CLVS1: variants seen among roughly 807,000 people sequenced by gnomAD.
CLVS1 encodes the protein clavesin-1.
In CLVS1, 10 loss-of-function variants were observed where a neutral mutation model predicts 33.1. That is an observed-to-expected ratio of 0.30 (90% confidence interval 0.19 to 0.51). The LOEUF is 0.51. Ranked by LOEUF, CLVS1 falls within the 20% of genes least tolerant of loss-of-function variation. The pLI is 0.97. For synonymous variants in CLVS1, 163 were observed against 166.1 expected (o/e 0.98, Z 0.14); for missense variants, 343 against 433.4 (o/e 0.79, Z 1.85).
chr8:61,083,142 AAG>A (rs1476869756), intron 1 of CLVS1, among the ~76,000 whole-genome samples: 1 of 152,204 alleles, frequency 6.6e-6, no homozygotes, highest in African/African-American at 2.4e-5. Flanking sequence ...TATGTAAAGA[AAG>A]GAAGATCATT....
intron 3 of CLVS1, among the ~76,000 whole-genome samples, chr8:61,435,332 GCTTCCTTCT>G (rs1384890670): frequency 6.6e-6 from 1 of 152,130 alleles, no homozygotes; most frequent in Non-Finnish European, 1.5e-5. Flanking sequence ...AAGCACTTCT[GCTTCCTTCT>G]CTTTGGAGAC....
At chr8:61,282,311 A>G (rs945414463) in intron 2 of CLVS1, among the ~76,000 whole-genome samples, 6 of 152,198 alleles carry the variant, frequency 3.9e-5, no homozygotes, top group African/African-American at 1.4e-4. Context: ...AGGAGGGATC[A>G]TGAGGTAGAG....
intron 2 of CLVS1, among the ~76,000 whole-genome samples, chr8:61,252,000 TG>T (rs1808959820): frequency 6.6e-6 from 1 of 152,238 alleles, no homozygotes; most frequent in Non-Finnish European, 1.5e-5. Context: ...TTCTTTTAAT[TG>T]TGATGTTAGG....
chr8:61,218,796 A>AT (rs35212175), intron 2 of CLVS1, among the ~76,000 whole-genome samples: 43,214 of 142,274 alleles, frequency 0.3, 7,006 homozygotes, highest in Admixed American at 0.35. Context: ...AAAAAAAAAA[A>AT]AGCTGGGAGT....
intron 4 of CLVS1, among the ~76,000 whole-genome samples, chr8:61,456,425 TCAGTCATACTC>T (rs1292034513): frequency 2.0e-5 from 3 of 152,190 alleles, no homozygotes; most frequent in Admixed American, 2.0e-4. Context: ...TTATTAAAAT[TCAGTCATACTC>T]AAGTGCAATA....
the CLVS1 span, among the ~76,000 whole-genome samples, chr8:60,968,561 A>G: frequency 1.3e-5 from 2 of 151,708 alleles, no homozygotes; most frequent in African/African-American, 4.8e-5. Context: ...AGTTTAATCA[A>G]TATTATTAAC....
chr8:61,162,428 T>A (rs915537494), intron 2 of CLVS1, among the ~76,000 whole-genome samples: 3 of 152,312 alleles, frequency 2.0e-5, no homozygotes, highest in East Asian at 3.9e-4. Context: ...CCAAAACCAC[T>A]CTTGCTCCTT....
At chr8:61,187,714 G>A (rs1307757716) in intron 2 of CLVS1, among the ~76,000 whole-genome samples, 8 of 151,208 alleles carry the variant, frequency 5.3e-5, no homozygotes. Flanking sequence ...AGTAAAAACA[G>A]CTAAAATGAA....
In CLVS1 at chr8:61,192,255, G is replaced by A. The variant is rs36139868; in HGVS notation, c.-152+60395G>A. ...ACAACTATCTGATCTTTGACAAACTGGACAAAAACAAGAAATGGGAGAGGA... is the reference window on the plus strand; with the variant it reads ...ACAACTATCTGATCTTTGACAAACTAGACAAAAACAAGAAATGGGAGAGGA... On this transcript the variant is annotated intron_variant, in intron 2 of 2. Transcript: ENST00000522621. Among the ~76,000 whole-genome samples, 513 of 152,022 alleles carry A rather than the reference G, an allele frequency of 3.4e-3. 1 individual carries two copies. Among genetic ancestry groups the A allele is most frequent in the Non-Finnish European group, 4.8e-3 (327 of 67,924 alleles).
At chr8:61,384,880 G>A (rs928978439) in intron 3 of CLVS1, among the ~76,000 whole-genome samples, 4 of 152,182 alleles carry the variant, frequency 2.6e-5, no homozygotes, top group South Asian at 2.1e-4. Flanking sequence ...TGGGGAGATC[G>A]GGACAATGGG....
the CLVS1 span, among the ~76,000 whole-genome samples, chr8:60,992,558 A>T: frequency 6.6e-6 from 1 of 152,218 alleles, no homozygotes; most frequent in African/African-American, 2.4e-5. Context: ...TTTGTACTGG[A>T]GAGAAAAAAC....
In CLVS1 at chr8:61,088,824, T is replaced by C. The variant is rs559586689; in HGVS notation, c.-243+31594T>C. Among the ~76,000 whole-genome samples the C allele has an allele frequency of 6.0e-5, 9 of 150,814 alleles. No homozygotes were observed. The South Asian group carries it at 1.0e-3, about 18-fold the overall frequency. On this transcript the variant is annotated intron_variant, in intron 1 of 2. Coordinates refer to the CLVS1 transcript ENST00000522621. ...TTTCTTTTTCTTTTTTTTTTTGAGA[T>C]GGAGTCTCGCTCTGTCGCCCAGGCT...
chr8:61,118,222 C>T (rs1223893000), intron 1 of CLVS1, among the ~76,000 whole-genome samples: 2 of 151,838 alleles, frequency 1.3e-5, no homozygotes, highest in East Asian at 1.9e-4. Context: ...GGTGATATCC[C>T]CTTTATCATT....
the CLVS1 span, among the ~76,000 whole-genome samples, chr8:61,015,712 TACCTTTTGTTCCCTCA>T: frequency 6.6e-6 from 1 of 152,198 alleles, no homozygotes; most frequent in Non-Finnish European, 1.5e-5. Context: ...TCCCCTCCCC[TACCTTTTGTTCCCTCA>T]AAATGGACCT....
intron 1 of CLVS1, among the ~76,000 whole-genome samples, chr8:61,072,712 A>G (rs1804821226): frequency 6.6e-6 from 1 of 152,212 alleles, no homozygotes; most frequent in South Asian, 2.1e-4. Context: ...TATGGTGCTC[A>G]TGTAATGAAT....
chr8:61,124,728 G>A (rs1805940463), intron 1 of CLVS1, among the ~76,000 whole-genome samples: 1 of 152,188 alleles, frequency 6.6e-6, no homozygotes, highest in South Asian at 2.1e-4. Flanking sequence ...AATTGTGAAT[G>A]TCTCCTAGAT....
intron 3 of CLVS1, among the ~76,000 whole-genome samples, chr8:61,411,255 G>C (rs570053079): frequency 5.4e-4 from 83 of 152,364 alleles, no homozygotes; most frequent in African/African-American, 2.0e-3. Context: ...TCCAGAGGTT[G>C]TTGCTTGGCT....
At chr8:61,091,152 G>A (rs957144173) in intron 1 of CLVS1, among the ~76,000 whole-genome samples, 11 of 152,290 alleles carry the variant, frequency 7.2e-5, no homozygotes, top group African/African-American at 2.6e-4. Context: ...CCTTACAGGA[G>A]GGATGCAGGA....
At chr8:61,260,536 T>A (rs1809181224) in intron 2 of CLVS1, among the ~76,000 whole-genome samples, 1 of 152,180 alleles carries the variant, frequency 6.6e-6, no homozygotes. Flanking sequence ...CACCTCTCCA[T>A]ACCAGGGCTC....
Sources: allele counts gnomAD v4.1 joint callset (sites outside exome capture counted in the v4.1 genomes callset), GRCh38; gene constraint gnomAD v4.1.1; transcripts MANE v1.5; gene names NCBI Gene and HGNC (gene_info 2026-07-23, HGNC 2026-07-21).